EIF4A1: variants seen among roughly 807,000 people sequenced by gnomAD.
The protein encoded by EIF4A1 is eukaryotic translation initiation factor 4A1, also known as eukaryotic initiation factor 4A-I.
A neutral mutation model predicts 53.5 loss-of-function variants in EIF4A1; 11 were observed. The observed-to-expected ratio is 0.21, with a 90% CI of 0.13 to 0.34. EIF4A1 has a LOEUF of 0.34. Among genes scored for constraint, EIF4A1 ranks in the 10% least tolerant of loss-of-function variants. The probability of loss-of-function intolerance (pLI) is 1.00; values close to 1 mark genes in which losing one functional copy is unlikely to be tolerated. For missense variants in EIF4A1, 213 were observed against 530.8 expected, an observed-to-expected ratio of 0.40 and a Z score of 5.88; for synonymous variants, 237 against 186.7, an observed-to-expected ratio of 1.27 and a Z score of -2.20.
At position 7,577,545 on chromosome 17, in the gene EIF4A1, T is replaced by A. The variant is rs780292809; in HGVS notation, c.769-24T>A. 2 of 1,613,110 alleles carry A rather than the reference T, an allele frequency of 1.2e-6. No homozygotes were observed. Among genetic ancestry groups the A allele is most frequent in the Non-Finnish European group, 8.5e-7 (1 of 1,179,278 alleles). ...TGAGTTGTTGGGTATAGCCCCTGACTGATTTTTGTCCCCCAACCTCCAGGA... is the reference window on the plus strand; with the variant it reads ...TGAGTTGTTGGGTATAGCCCCTGACAGATTTTTGTCCCCCAACCTCCAGGA... On this transcript the variant is annotated intron_variant, in intron 7 of 10. Coordinates refer to ENST00000293831, the MANE Select transcript of EIF4A1 (RefSeq NM_001416.4). This position sits in a 1 kb window ranked among gnomAD's most constrained non-coding sequence, Gnocchi z 4.7.
In EIF4A1 at chr17:7,578,073, TC is replaced by T. The variant is rs1567735707; in HGVS notation, c.997-90del. ...ACTGGGATGCTTATTTCCTCTGCCTTCCTTGGCTGCCCACATGGATGCCTAA... is the reference window on the plus strand; with the variant it reads ...ACTGGGATGCTTATTTCCTCTGCCTTCTTGGCTGCCCACATGGATGCCTAA... On this transcript the variant is annotated intron_variant, in intron 9 of 10. Transcript: ENST00000293831. 1.9e-6 allele frequency: 3 copies of T among 1,592,520 alleles called. No individual in the cohort carries two copies. The Admixed American group carries it at 5.0e-5, about 27-fold the overall frequency.
intron 1 of EIF4A1, 37 bp downstream of exon 1, chr17:7,572,901 T>A: frequency 1.2e-6 from 2 of 1,614,074 alleles, no homozygotes; most frequent in Non-Finnish European, 1.7e-6. Flanking sequence ...TGGCTGCTTA[T>A]TTTGCCGCCC....
At chr17:7,576,257 A>G in intron 4 of EIF4A1, 1 of 351,864 alleles carries the variant, frequency 2.8e-6, no homozygotes, top group East Asian at 4.6e-5. Context: ...ATCTAGAGTA[A>G]AGAAACTGAA....
intron 3 of EIF4A1, 146 bp from the exon 4 acceptor site, chr17:7,574,973 T>C: frequency 3.4e-6 from 4 of 1,187,634 alleles, no homozygotes; most frequent in South Asian, 1.3e-5. Flanking sequence ...CTGGTTCCCA[T>C]TGTGTAACTG....
rs1250518814 is a variant in EIF4A1, at chr17:7,578,689, G to A, written c.*203G>A. On this transcript the variant is annotated 3_prime_UTR_variant, in exon 11 of 11. Coordinates refer to ENST00000293831, the MANE Select transcript of EIF4A1 (RefSeq NM_001416.4). ...GGGGTAGGCTCTTGCCCCAGGCGCC[G>A]GCTCTTCTCCCAAAAAAAAAAAAAA... 1.9e-5 allele frequency: 9 copies of A among 462,554 alleles called. No individual in the cohort carries two copies. The highest frequency in any genetic ancestry group is 8.3e-5 in the Admixed American group (2 of 24,168). The allele number at this position is 462,554 out of a possible 1,614,324, so 28.7% of individuals were successfully genotyped here.
chr17:7,576,742 G>T (rs1057378863), intron 5 of EIF4A1, 50 bp downstream of exon 5: 3 of 1,566,940 alleles, frequency 1.9e-6, no homozygotes, highest in South Asian at 1.2e-5. Context: ...TCTTGTGCAC[G>T]CTTTCCAGTC....
At chr17:7,576,876 G>A in intron 5 of EIF4A1, 180 bp from the exon 6 acceptor site, 1 of 1,341,750 alleles carries the variant, frequency 7.5e-7, no homozygotes, top group Non-Finnish European at 1.1e-6. Flanking sequence ...AGCCCTGGCA[G>A]TGTCCTACTT....
At chr17:7,574,985 G>A in intron 3 of EIF4A1, 134 bp from the exon 4 acceptor site, 2 of 1,276,000 alleles carry the variant, frequency 1.6e-6, no homozygotes, top group Admixed American at 3.6e-5. Flanking sequence ...GTGTAACTGT[G>A]TTGATTGGGA....
At chr17:7,576,922 G>T (rs147550900) in intron 5 of EIF4A1, 134 bp from the exon 6 acceptor site, 1 of 1,353,372 alleles carries the variant, frequency 7.4e-7, no homozygotes, top group South Asian at 1.2e-5. Flanking sequence ...GAAGGTCCTG[G>T]GCAAAGGATC....
Position 7,576,309 on chromosome 17 carries a change from A to G in EIF4A1, c.346-215A>G, listed in dbSNP as rs370615287. ...CCTCATTGTGAATCACTGTACACTC[A>G]GGAACCAGACTGAGTTGAAATCCTG... On this transcript the variant is annotated intron_variant, in intron 4 of 10. Transcript: ENST00000293831. 2.5e-4 allele frequency: 125 copies of G among 503,746 alleles called. 2 individuals carry two copies. The East Asian group carries it at 4.1e-3, about 17-fold the overall frequency. 31.2% of individuals were successfully genotyped at this position (503,746 alleles called of 1,614,324 possible). A position where few individuals can be genotyped will look rare whatever the true frequency, so the allele number is the denominator to read the frequency against.
chr17:7,576,696 A>G lies in EIF4A1; in HGVS notation c.514+4A>G, dbSNP rs776332477. ...ATGCTTAACCGGAGATACCTGTGTGAGTAATTCGGTTCTCCAATCCCCTGG... is the reference window on the plus strand; with the variant it reads ...ATGCTTAACCGGAGATACCTGTGTGGGTAATTCGGTTCTCCAATCCCCTGG... On this transcript the variant is annotated splice_donor_region_variant and intron_variant, in intron 5 of 10. Coordinates refer to ENST00000293831, the MANE Select transcript of EIF4A1 (RefSeq NM_001416.4). 6.3e-7 allele frequency: 1 copy of G among 1,596,068 alleles called. No homozygotes were observed. Among genetic ancestry groups the G allele is most frequent in the African/African-American group, 1.3e-5 (1 of 74,474 alleles).
At chr17:7,572,915 T>G in intron 1 of EIF4A1, 51 bp downstream of exon 1, 1 of 1,614,032 alleles carries the variant, frequency 6.2e-7, no homozygotes, top group Non-Finnish European at 8.5e-7. Flanking sequence ...GCCGCCCCCT[T>G]CCGACGGGCC....
At chr17:7,575,098 A>G in intron 3 of EIF4A1, 21 bp from the exon 4 acceptor site, 2 of 1,610,954 alleles carry the variant, frequency 1.2e-6, no homozygotes, top group Non-Finnish European at 1.7e-6. Flanking sequence ...ACCACATTCA[A>G]CTCCTAATTT....
Position 7,577,158 on chromosome 17 carries a change from A to G in EIF4A1, c.617A>G (p.Asn206Ser). 6.2e-7 allele frequency: 1 copy of G among 1,601,132 alleles called. No individual in the cohort carries two copies. The highest frequency in any genetic ancestry group is 1.1e-5 in the South Asian group (1 of 88,246). ...IYDIFQKLNSNTQVVLLSATM... is the reference protein window; with the variant it reads ...IYDIFQKLNSSTQVVLLSATM... ...GACATATTCCAAAAGCTCAACAGCAACACCCAGGTGAGGGCAGTCTTGCTT... is the reference window on the plus strand; with the variant it reads ...GACATATTCCAAAAGCTCAACAGCAGCACCCAGGTGAGGGCAGTCTTGCTT... Residue 206 changes from asparagine (N) to serine (S), a missense_variant, in exon 6 of 11, where the codon AAC becomes AGC. By Grantham distance (46) the Asn-to-Ser change is conservative. Transcript: ENST00000293831. This position sits in a 1 kb window ranked among gnomAD's most constrained non-coding sequence, Gnocchi z 4.7.
intron 1 of EIF4A1, chr17:7,573,930 C>T (rs769719111): frequency 3.1e-6 from 1 of 327,444 alleles, no homozygotes; most frequent in Non-Finnish European, 5.7e-6. Context: ...CGCGCTTGGG[C>T]TTTAAGCGGC....
intron 3 of EIF4A1, 105 bp from the exon 4 acceptor site, chr17:7,575,014 G>A: frequency 1.4e-6 from 2 of 1,476,872 alleles, no homozygotes; most frequent in African/African-American, 1.4e-5. Context: ...TGTGAGCCAT[G>A]AAATGCTTGG....
rs2071433688 is a variant in EIF4A1, at chr17:7,578,509, C to T, written c.*23C>T. On this transcript the variant is annotated 3_prime_UTR_variant, in exon 11 of 11. Coordinates refer to ENST00000293831, the MANE Select transcript of EIF4A1 (RefSeq NM_001416.4). ...TGAGGGGCTGTCCTGCCACCCAGCC[C>T]CAGCCAGGGCTCAATCTCTGGGGGC... 3 of 1,555,640 alleles carry T rather than the reference C, an allele frequency of 1.9e-6. No homozygotes were observed. Among genetic ancestry groups the T allele is most frequent in the Admixed American group, 3.7e-5 (2 of 53,848 alleles).
In EIF4A1 at chr17:7,575,144, A is replaced by G. The variant is rs1280149606; in HGVS notation, c.231A>G (p.Gln77=). The G allele has an allele frequency of 6.2e-7, 1 of 1,612,332 alleles. No individual in the cohort carries two copies. Among genetic ancestry groups the G allele is most frequent in the South Asian group, 1.1e-5 (1 of 91,002 alleles). ...IKGYDVIAQA[Q]SGTGKTATFA... ...GTTATGATGTGATTGCTCAAGCCCA[A>G]TCTGGGACTGGGAAAACGGCCACAT... Residue 77 remains glutamine, a synonymous_variant, in exon 4 of 11, where the codon CAA becomes CAG. Transcript: ENST00000293831.
In EIF4A1 at chr17:7,575,126, T is replaced by C. The variant is rs200430915; in HGVS notation, c.213T>C (p.Asp71=). The C allele has an allele frequency of 1.9e-6, 3 of 1,612,118 alleles. No homozygotes were observed. In the South Asian group the frequency reaches 3.3e-5, roughly 18 times the overall value. The part of the protein sequence containing the change: ...RAILPCIKGY[D]VIAQAQSGTG... ...CCTAATTTATTTGTTTAGGTTATGA[T>C]GTGATTGCTCAAGCCCAATCTGGGA... is the stretch of plus-strand genomic sequence containing the variant. The change falls in exon 4 of 11, where the codon GAT becomes GAC. Residue 71 remains aspartate (D), a synonymous_variant. Transcript: ENST00000293831.
Sources: allele counts gnomAD v4.1 joint callset, GRCh38; gene constraint gnomAD v4.1.1; non-coding constraint Gnocchi (gnomAD v3.1); transcripts MANE v1.5; gene names NCBI Gene and HGNC (gene_info 2026-07-23, HGNC 2026-07-21).